Variants in TMEM116 observed in about 807,000 individuals in gnomAD.
The protein encoded by TMEM116 is transmembrane protein 116.
TMEM116 carries 38 observed loss-of-function variants against 44.3 expected under a neutral mutation model. The observed-to-expected ratio is 0.86, with a 90% CI of 0.66 to 1.12. The LOEUF (loss-of-function observed/expected upper bound fraction) is 1.12. Ranked by LOEUF, TMEM116 falls within the 50% of genes most tolerant of loss-of-function variation. The pLI is 0.00. For missense variants in TMEM116, 354 were observed against 401.7 expected, an observed-to-expected ratio of 0.88 and a Z score of 1.01; for synonymous variants, 132 against 144.8, an observed-to-expected ratio of 0.91 and a Z score of 0.64.
intron 4 of TMEM116, among the ~76,000 whole-genome samples, chr12:111,944,329 G>A (rs757150875): frequency 4.6e-5 from 7 of 151,876 alleles, no homozygotes; most frequent in African/African-American, 7.3e-5. Flanking sequence ...AAAGCAAGGC[G>A]AGTCCATCAA....
At chr12:111,934,652 G>C (rs982075710) in intron 8 of TMEM116, 1 of 152,172 alleles carries the variant, frequency 6.6e-6, no homozygotes, top group Non-Finnish European at 1.5e-5. Context: ...CAGCTACTCA[G>C]GAGGCTGAGG....
At chr12:111,957,272 CG>C (rs2074189335) in intron 4 of TMEM116, among the ~76,000 whole-genome samples, 1 of 151,478 alleles carries the variant, frequency 6.6e-6, no homozygotes, top group Non-Finnish European at 1.5e-5. Context: ...TGCCTCTGCC[CG>C]GCCATGATCC....
intron 4 of TMEM116, among the ~76,000 whole-genome samples, chr12:111,973,104 C>T (rs1160629193): frequency 2.0e-5 from 3 of 152,118 alleles, no homozygotes; most frequent in African/African-American, 7.2e-5. Flanking sequence ...CACCACTGCA[C>T]TCCAGTCTGG....
intron 8 of TMEM116, chr12:111,934,544 G>C (rs971117880): frequency 8.5e-5 from 13 of 152,334 alleles, no homozygotes; most frequent in African/African-American, 3.1e-4. Flanking sequence ...GGCAGATCAC[G>C]AGGTCAGGAG....
intron 4 of TMEM116, among the ~76,000 whole-genome samples, chr12:111,964,847 C>T (rs1777278332): frequency 1.3e-5 from 2 of 148,298 alleles, no homozygotes; most frequent in Non-Finnish European, 3.0e-5. Flanking sequence ...ACCACCATGC[C>T]CAGCTAATTT....
At chr12:111,962,598 A>T (rs1293178148) in intron 4 of TMEM116, among the ~76,000 whole-genome samples, 4 of 152,232 alleles carry the variant, frequency 2.6e-5, no homozygotes, top group Non-Finnish European at 5.9e-5. Context: ...GCGTTGGAAA[A>T]ACTGGCTAGC....
chr12:111,971,685 T>C (rs1212586853), intron 4 of TMEM116, among the ~76,000 whole-genome samples: 1 of 152,132 alleles, frequency 6.6e-6, no homozygotes. Context: ...TCAAATTAAA[T>C]GTAAGGTATT....
chr12:111,936,597 GC>G, intron 8 of TMEM116, 94 bp downstream of exon 8: 1 of 1,392,900 alleles, frequency 7.2e-7, no homozygotes, highest in Non-Finnish European at 9.7e-7. Context: ...CACAAGAAGT[GC>G]CTCTCTGCCC....
Position 111,937,243 on chromosome 12 carries a change from G to T in TMEM116, c.366C>A (p.Ser122Arg). Residue 122 changes from serine to arginine, a missense_variant and splice_region_variant, in exon 7 of 11, where the codon AGC (serine) becomes AGA (arginine). Coordinates refer to ENST00000552374, the MANE Select transcript of TMEM116 (RefSeq NM_001193531.2). ...RVCQMAFVFS[S>R]LIPLLLMTPV... ...GTGTCATCAATAGCAGAGGTATCAG[G>T]CTGGGAGGGAAAAAAAGTATCACCC... is the stretch of plus-strand genomic sequence containing the variant. 6.2e-7 allele frequency: 1 copy of T among 1,613,186 alleles called. No individual in the cohort carries two copies. The highest frequency in any genetic ancestry group is 1.3e-5 in the African/African-American group (1 of 74,998).
At chr12:111,938,070 G>T in intron 6 of TMEM116, 91 bp downstream of exon 6, 1 of 772,274 alleles carries the variant, frequency 1.3e-6, no homozygotes, top group Non-Finnish European at 2.1e-6. Flanking sequence ...GACTGACAAT[G>T]GAAATAAAGG....
At chr12:111,941,484 T>A (rs1015112923) in intron 5 of TMEM116, among the ~76,000 whole-genome samples, 1 of 152,158 alleles carries the variant, frequency 6.6e-6, no homozygotes, top group African/African-American at 2.4e-5. Flanking sequence ...TGCATGTGGC[T>A]AATTAAATTA....
At chr12:111,950,741 CT>C (rs1317701349) in intron 4 of TMEM116, among the ~76,000 whole-genome samples, 3 of 152,016 alleles carry the variant, frequency 2.0e-5, no homozygotes, top group Admixed American at 1.3e-4. Context: ...GGAAGACAAC[CT>C]AAGTAATACC....
chr12:111,958,087 A>T (rs2136360735), intron 4 of TMEM116, among the ~76,000 whole-genome samples: 1 of 152,050 alleles, frequency 6.6e-6, no homozygotes, highest in South Asian at 2.1e-4. Context: ...ATGCTCGTTA[A>T]GAGTCATCAC....
At chr12:111,932,555 G>A in intron 10 of TMEM116, 31 bp downstream of exon 10, 1 of 1,582,720 alleles carries the variant, frequency 6.3e-7, no homozygotes, top group Non-Finnish European at 8.7e-7. Context: ...GCGGGTGTAA[G>A]AACAGAGATA....
chr12:112,012,489 G>C (rs2136766849), intron 1 of TMEM116: 1 of 152,426 alleles, frequency 6.6e-6, no homozygotes, highest in South Asian at 2.1e-4. Context: ...ATGTTGGCCA[G>C]GCTGGTCTCG....
At position 111,931,446 on chromosome 12, in the gene TMEM116, CTG is replaced by C; in HGVS notation, c.*173_*174del. 2 of 631,358 alleles carry C rather than the reference CTG, an allele frequency of 3.2e-6. No homozygotes were observed. Among genetic ancestry groups the C allele is most frequent in the Non-Finnish European group, 5.5e-6 (2 of 365,292 alleles). The allele number at this position is 631,358 out of a possible 1,614,324, so 39.1% of individuals were successfully genotyped here. A position where few individuals can be genotyped will look rare whatever the true frequency, so the allele number is the denominator to read the frequency against. On this transcript the variant is annotated 3_prime_UTR_variant, in exon 11 of 11. Coordinates refer to ENST00000552374, the MANE Select transcript of TMEM116 (RefSeq NM_001193531.2). ...GGATCACTAGTGAATCTGGGAATAA[CTG>C]GAGAGATACTCCCAATTCATCTAGA... is the stretch of plus-strand genomic sequence containing the variant.
intron 4 of TMEM116, among the ~76,000 whole-genome samples, chr12:111,955,617 C>T (rs2074029944): frequency 6.6e-6 from 1 of 152,146 alleles, no homozygotes; most frequent in South Asian, 2.1e-4. Flanking sequence ...TGGCTGAGTT[C>T]ACAAAAGAAA....
At chr12:111,983,241 G>C (rs899434158) in intron 4 of TMEM116, among the ~76,000 whole-genome samples, 2 of 152,136 alleles carry the variant, frequency 1.3e-5, no homozygotes, top group African/African-American at 4.8e-5. Context: ...TCTGAGACCA[G>C]CCTGACCAAT....
chr12:111,999,635 T>C (rs1393534832), intron 3 of TMEM116, among the ~76,000 whole-genome samples: 1 of 151,886 alleles, frequency 6.6e-6, no homozygotes, highest in Non-Finnish European at 1.5e-5. Context: ...TACATATATA[T>C]ACACATGTAT....
Sources: allele counts gnomAD v4.1 joint callset (sites outside exome capture counted in the v4.1 genomes callset), GRCh38; gene constraint gnomAD v4.1.1; transcripts MANE v1.5; gene names NCBI Gene and HGNC (gene_info 2026-07-23, HGNC 2026-07-21).